Variants in GCSH observed in about 807,000 individuals in gnomAD.
The protein encoded by GCSH is glycine cleavage system H protein, mitochondrial.
A neutral mutation model predicts 21.3 loss-of-function variants in GCSH; 15 were observed. That is an observed-to-expected ratio of 0.70 (90% CI 0.47 to 1.08). GCSH has a LOEUF of 1.08. Ranked by LOEUF, GCSH falls within the 50% of genes least tolerant of loss-of-function variation. GCSH has a pLI of 0.00. For missense variants in GCSH, 179 were observed against 217.5 expected, an observed-to-expected ratio of 0.82 and a Z score of 1.11; for synonymous variants, 59 against 84.5, an observed-to-expected ratio of 0.70 and a Z score of 1.66.
At chr16:81,085,161 C>T (rs543456075) in intron 3 of GCSH, among the ~76,000 whole-genome samples, 8 of 151,760 alleles carry the variant, frequency 5.3e-5, no homozygotes, top group Admixed American at 2.6e-4. Flanking sequence ...ATTACAGGCG[C>T]GCACCACCAC....
chr16:81,084,352 T>A, intron 4 of GCSH, 111 bp downstream of exon 4: 1 of 828,980 alleles, frequency 1.2e-6, no homozygotes, highest in Non-Finnish European at 2.1e-6. Context: ...CTCTATTTAG[T>A]ACCAAGAAGT....
At chr16:81,093,197 T>G (rs76321352) in intron 1 of GCSH, among the ~76,000 whole-genome samples, 2 of 151,902 alleles carry the variant, frequency 1.3e-5, no homozygotes, top group Non-Finnish European at 2.9e-5. Context: ...GGAAAATAGA[T>G]AGTATATAGT....
rs1972503503 is a variant in GCSH at position 81,096,179 on chromosome 16, C to T, written c.100G>A (p.Gly34Arg). ...APCPPRPWQLGVGAVRTLRTG... is the reference protein window; with the variant it reads ...APCPPRPWQLRVGAVRTLRTG... The stretch of plus-strand genomic sequence containing the variant: ...CGCAGCGTACGGACGGCGCCCACCC[C>T]CAGCTGCCAGGGCCTCGGCGGGCAG... Residue 34 changes from glycine (G) to arginine (R), a missense_variant, in exon 1 of 5, where the codon GGG becomes AGG. By Grantham distance (125) the Gly-to-Arg change is moderately radical. Transcript: ENST00000315467. The T allele has an allele frequency of 1.5e-6, 2 of 1,319,456 alleles. No homozygotes were observed. The highest frequency in any genetic ancestry group is 8.0e-5 in the Admixed American group (2 of 25,128). The allele number at this position is 1,319,456 out of a possible 1,614,324, so 81.7% of individuals were successfully genotyped here.
At chr16:81,093,385 A>G (rs1265692609) in intron 1 of GCSH, among the ~76,000 whole-genome samples, 2 of 152,100 alleles carry the variant, frequency 1.3e-5, no homozygotes, top group Non-Finnish European at 2.9e-5. Context: ...TAATTTTAGG[A>G]GTAAGGCTGC....
Position 81,096,374 on chromosome 16 carries a change from T to G in GCSH, c.-96A>C, listed in dbSNP as rs1275579474. 6 of 1,063,946 alleles carry G rather than the reference T, an allele frequency of 5.6e-6. No homozygotes were observed. The highest frequency in any genetic ancestry group is 3.4e-4 in the Middle Eastern group (1 of 2,980). 65.9% of individuals were successfully genotyped at this position (1,063,946 alleles called of 1,614,324 possible). On this transcript the variant is annotated 5_prime_UTR_variant, in exon 1 of 5. Transcript: ENST00000315467. ...CAGTTCGCGGCCGGAGGGAGCCGGCTGGATGGAGGCGCGGAGGCGGTGCCG... is the reference window on the plus strand; with the variant it reads ...CAGTTCGCGGCCGGAGGGAGCCGGCGGGATGGAGGCGCGGAGGCGGTGCCG...
At chr16:81,091,459 G>T (rs984186263) in intron 1 of GCSH, among the ~76,000 whole-genome samples, 3 of 152,132 alleles carry the variant, frequency 2.0e-5, no homozygotes, top group African/African-American at 7.2e-5. Flanking sequence ...ACGATTCAGG[G>T]AATCCTGAAA....
chr16:81,084,294 A>G, intron 4 of GCSH, 169 bp downstream of exon 4: 2 of 684,856 alleles, frequency 2.9e-6, no homozygotes, highest in Non-Finnish European at 5.2e-6. Flanking sequence ...TCTTAAACAT[A>G]ACTTTAAGTA....
Position 81,090,605 on chromosome 16 carries a change from G to A in GCSH, c.224C>T (p.Ala75Val). 6.3e-7 allele frequency: 1 copy of A among 1,591,700 alleles called. No individual in the cohort carries two copies. Among genetic ancestry groups the A allele is most frequent in the Non-Finnish European group, 8.6e-7 (1 of 1,160,154 alleles). Residue 75 changes from alanine (A) to valine (V), a missense_variant, in exon 2 of 5, where the codon GCA becomes GTA. Ala to Val is a moderately conservative substitution (Grantham distance 64). Coordinates refer to ENST00000315467, the MANE Select transcript of GCSH (RefSeq NM_004483.5). The stretch of plus-strand genomic sequence containing the variant: ...TATTTCAATATAATCCAATACCTGT[G>A]CAAAATTGCTGATTCCCACTGTTCC... ...GIGTVGISNF[A>V]QEALGDVVYC...
In GCSH at chr16:81,090,952, A is replaced by T. The variant is rs1972386174; in HGVS notation, c.149-272T>A. On this transcript the variant is annotated intron_variant, in intron 1 of 4. Coordinates refer to ENST00000315467, the MANE Select transcript of GCSH (RefSeq NM_004483.5). Reference sequence around the variant, plus strand: ...TCTGCTTTAACATTACTTAGCCTAAATCACAAAAGAAAATTTTGGAGCATA... The same window carrying T: ...TCTGCTTTAACATTACTTAGCCTAATTCACAAAAGAAAATTTTGGAGCATA... 3 of 527,428 alleles carry T rather than the reference A, an allele frequency of 5.7e-6. 1 individual carries two copies. The highest frequency in any genetic ancestry group is 3.9e-5 in the South Asian group (2 of 51,670). The allele number at this position is 527,428 out of a possible 1,614,324, so 32.7% of individuals were successfully genotyped here.
rs747131765 is a variant in GCSH at position 81,084,574 on chromosome 16, T to C, written c.313A>G (p.Ser105Gly). The C allele has an allele frequency of 6.2e-7, 1 of 1,607,262 alleles. No individual in the cohort carries two copies. Among genetic ancestry groups the C allele is most frequent in the South Asian group, 1.1e-5 (1 of 90,858 alleles). ...NKQDEFGALE[S>G]VKAASELYSP... ...TAGAGTTCACTAGCAGCTTTCACAC[T>C]TTCCAAAGCACCAAACTCATCTAAG... Residue 105 changes from serine to glycine, a missense_variant, in exon 4 of 5, where the codon AGT (serine) becomes GGT (glycine). Physicochemically the swap from Ser to Gly is moderately conservative, Grantham distance 56. Coordinates refer to ENST00000315467, the MANE Select transcript of GCSH (RefSeq NM_004483.5).
Position 81,082,430 on chromosome 16 carries a change from C to G in GCSH, c.*436G>C, listed in dbSNP as rs1233832580. 1 of 386,584 alleles carries G rather than the reference C, an allele frequency of 2.6e-6. No homozygotes were observed. The highest frequency in any genetic ancestry group is 5.1e-6 in the Non-Finnish European group (1 of 197,858). 23.9% of individuals were successfully genotyped at this position (386,584 alleles called of 1,614,324 possible). A position where few individuals can be genotyped will look rare whatever the true frequency, so the allele number is the denominator to read the frequency against. Reference sequence around the variant, plus strand: ...GCAAAATTAAGATAGTGGTGTTCCTCATCTGACACTGTACAAGCAACAAAA... The same window carrying G: ...GCAAAATTAAGATAGTGGTGTTCCTGATCTGACACTGTACAAGCAACAAAA... On this transcript the variant is annotated 3_prime_UTR_variant, in exon 5 of 5. Transcript: ENST00000315467.
chr16:81,093,546 A>G (rs1209680543), intron 1 of GCSH, among the ~76,000 whole-genome samples: 2 of 152,028 alleles, frequency 1.3e-5, no homozygotes, highest in African/African-American at 2.4e-5. Flanking sequence ...AGGTAATGTT[A>G]CCCCTCAGTC....
Position 81,082,629 on chromosome 16 carries a change from A to G in GCSH, c.*237T>C. The G allele has an allele frequency of 2.5e-6, 1 of 403,072 alleles. No individual in the cohort carries two copies. The highest frequency in any genetic ancestry group is 4.4e-6 in the Non-Finnish European group (1 of 228,334). The allele number at this position is 403,072 out of a possible 1,614,324, so 25.0% of individuals were successfully genotyped here. A position where few individuals can be genotyped will look rare whatever the true frequency, so the allele number is the denominator to read the frequency against. ...ACCATGGATAATTTCATGAATTCTG[A>G]ACACTAGAGCCTAGTCTAAAAATCA... On this transcript the variant is annotated 3_prime_UTR_variant, in exon 5 of 5. Coordinates refer to ENST00000315467, the MANE Select transcript of GCSH (RefSeq NM_004483.5).
Position 81,082,545 on chromosome 16 carries a change from A to G in GCSH, c.*321T>C, listed in dbSNP as rs1354101144. ...GGATACATGCAAGTTACAATATTATATAAGGCTTAAGAATAACAATGTTAT... is the reference window on the plus strand; with the variant it reads ...GGATACATGCAAGTTACAATATTATGTAAGGCTTAAGAATAACAATGTTAT... On this transcript the variant is annotated 3_prime_UTR_variant, in exon 5 of 5. Coordinates refer to ENST00000315467, the MANE Select transcript of GCSH (RefSeq NM_004483.5). 2 of 346,996 alleles carry G rather than the reference A, an allele frequency of 5.8e-6. No individual in the cohort carries two copies. Among genetic ancestry groups the G allele is most frequent in the Admixed American group, 4.3e-5 (1 of 23,050 alleles). The allele number at this position is 346,996 out of a possible 1,614,324, so 21.5% of individuals were successfully genotyped here.
intron 1 of GCSH, among the ~76,000 whole-genome samples, chr16:81,095,629 T>TCCTCGGCCTCCCAAAGTGCTGGGATTA (rs61361276): frequency 0.87 from 130,298 of 150,324 alleles, 57,002 homozygotes; most frequent in South Asian, 0.97. Flanking sequence ...TGATCCGCCC[T>TCCTCGGCCTCCCAAAGTGCTGGGATTA]CCGGCATGAG....
chr16:81,092,721 C>G lies in GCSH; in HGVS notation c.149-2041G>C, dbSNP rs8177852. On this transcript the variant is annotated intron_variant, in intron 1 of 4. Transcript: ENST00000315467. ...TCACGCCACTGCACTCCAGCCTAAG[C>G]AACAGAGCAAGACTCAGTCTCAAAA... 5.4e-3 allele frequency among the ~76,000 whole-genome samples: 820 copies of G among 151,574 alleles called. 11 individuals are homozygous for G. The highest frequency in any genetic ancestry group is 0.019 in the African/African-American group (779 of 41,076).
intron 4 of GCSH, chr16:81,084,084 A>T: frequency 3.1e-6 from 1 of 326,232 alleles, no homozygotes; most frequent in Non-Finnish European, 5.7e-6. Context: ...GGTTCAAGCA[A>T]TTCTCCCACC....
chr16:81,090,631 A>C lies in GCSH; in HGVS notation c.198T>G (p.Ile66Met). The change falls in exon 2 of 5, where the codon ATT becomes ATG. Residue 66 changes from isoleucine to methionine, a missense_variant. Physicochemically the swap from Ile to Met is conservative, Grantham distance 10. Coordinates refer to ENST00000315467, the MANE Select transcript of GCSH (RefSeq NM_004483.5). ...CAAAATTGCTGATTCCCACTGTTCC[A>C]ATGCCATTTTCTGTTGTTACCCATT... ...KHEWVTTENGIGTVGISNFAQ... is the reference protein window; with the variant it reads ...KHEWVTTENGMGTVGISNFAQ... 1 of 1,612,354 alleles carries C rather than the reference A, an allele frequency of 6.2e-7. No individual in the cohort carries two copies.
intron 3 of GCSH, among the ~76,000 whole-genome samples, chr16:81,086,467 G>A (rs8177923): frequency 0.02 from 3,025 of 152,156 alleles, 94 homozygotes; most frequent in African/African-American, 0.068. Context: ...TGAAAAAGGA[G>A]AATTGCTTGA....
Sources: allele counts gnomAD v4.1 joint callset (sites outside exome capture counted in the v4.1 genomes callset), GRCh38; gene constraint gnomAD v4.1.1; transcripts MANE v1.5; gene names NCBI Gene and HGNC (gene_info 2026-07-23, HGNC 2026-07-21).